The following PLXND1 variants were observed in gnomAD, a reference collection of about 807,000 sequenced individuals.
PLXND1 encodes the protein plexin D1, also known as plexin-D1.
A neutral mutation model predicts 197.7 loss-of-function variants in PLXND1; 54 were observed. The ratio of observed to expected loss-of-function variants is 0.27; its 90% CI spans 0.22 to 0.34. The LOEUF (loss-of-function observed/expected upper bound fraction) is 0.34. PLXND1 is among the 10% of genes least tolerant of loss of function. PLXND1 has a pLI of 1.00. For missense variants in PLXND1, 2,127 were observed against 2,699.2 expected (o/e 0.79, Z 4.70); for synonymous variants, 1,180 against 1,161.2 (o/e 1.02, Z -0.33).
rs1434271566 is a variant in PLXND1, at chr3:129,556,346, T to G, written c.5744A>C (p.Glu1915Ala). 6.2e-7 allele frequency: 1 copy of G among 1,613,928 alleles called. No individual in the cohort carries two copies. Among genetic ancestry groups the G allele is most frequent in the Non-Finnish European group, 8.5e-7 (1 of 1,179,784 alleles). Residue 1915 changes from glutamate (E) to alanine (A), a missense_variant, in exon 36 of 36, where the codon GAG becomes GCG. Coordinates refer to ENST00000324093, the MANE Select transcript of PLXND1 (RefSeq NM_015103.3). ...ACTGTAGCACTCGTAGATGTTGTCC[T>G]CCATCAAAGCCACCACCTGCTCAAA... ...HKFEQVVALM[E>A]DNIYECYSEA is the part of the protein sequence containing the mutation.
chr3:129,563,350 T>G, intron 25 of PLXND1, 110 bp from the exon 26 acceptor site: 2 of 875,860 alleles, frequency 2.3e-6, no homozygotes, highest in Non-Finnish European at 3.4e-6. Context: ...ACAGTCTCCT[T>G]TTGGATCCTG....
chr3:129,575,685 G>A, intron 10 of PLXND1, 81 bp downstream of exon 10: 2 of 1,236,814 alleles, frequency 1.6e-6, no homozygotes, highest in Non-Finnish European at 2.3e-6. Flanking sequence ...AAGGTAGAGA[G>A]AGGCAGGGTG....
At chr3:129,564,273 G>A (rs1465067476) in intron 25 of PLXND1, among the ~76,000 whole-genome samples, 1 of 152,270 alleles carries the variant, frequency 6.6e-6, no homozygotes, top group Admixed American at 6.5e-5. Flanking sequence ...CCATTTGACA[G>A]AAGGAAACCA....
In PLXND1 at chr3:129,555,490, G is replaced by A. The variant is rs1213205522; in HGVS notation, c.*822C>T. ...CGGGACCCCTCCCCGGGTCCTCTGC[G>A]CAAGCGGCAGCTATTCACAGTTGGT... On this transcript the variant is annotated 3_prime_UTR_variant, in exon 36 of 36. Coordinates refer to ENST00000324093, the MANE Select transcript of PLXND1 (RefSeq NM_015103.3). 4.4e-5 allele frequency: 30 copies of A among 679,080 alleles called. No individual in the cohort carries two copies. Among genetic ancestry groups the A allele is most frequent in the East Asian group, 1.9e-4 (7 of 36,024 alleles). 42.1% of individuals were successfully genotyped at this position (679,080 alleles called of 1,614,324 possible). A position where few individuals can be genotyped will look rare whatever the true frequency, so the allele number is the denominator to read the frequency against.
chr3:129,592,721 AT>A (rs2085563262), intron 1 of PLXND1, among the ~76,000 whole-genome samples: 3 of 152,210 alleles, frequency 2.0e-5, no homozygotes, highest in Non-Finnish European at 4.4e-5. Context: ...CTAAAATAAA[AT>A]TTTAAAAAAT....
Position 129,606,423 on chromosome 3 carries a change from G to A in PLXND1, c.217C>T (p.Leu73=). ...ALDGAAGTVY[L]AAVNRLYQLS... ...TGATAGAGGCGGTTGACGGCCGCCAGGTACACGGTCCCCGCCGCGCCGTCC... is the reference window on the plus strand; with the variant it reads ...TGATAGAGGCGGTTGACGGCCGCCAAGTACACGGTCCCCGCCGCGCCGTCC... Residue 73 remains leucine, a synonymous_variant, in exon 1 of 36, where the codon CTG becomes TTG. Transcript: ENST00000324093. 1.4e-6 allele frequency: 2 copies of A among 1,480,022 alleles called. No individual in the cohort carries two copies. The highest frequency in any genetic ancestry group is 1.3e-5 in the South Asian group (1 of 75,192). 91.7% of individuals were successfully genotyped at this position (1,480,022 alleles called of 1,614,324 possible).
chr3:129,561,909 G>A lies in PLXND1; in HGVS notation c.4826-6C>T. ...TGTGCTGGAGGCGAACCACTCTGGGGGACAAGGGACAGGCCATCAGGGTCC... is the reference window on the plus strand; with the variant it reads ...TGTGCTGGAGGCGAACCACTCTGGGAGACAAGGGACAGGCCATCAGGGTCC... On this transcript the variant is annotated splice_polypyrimidine_tract_variant and splice_region_variant and intron_variant, in intron 27 of 35. Transcript: ENST00000324093. 6.2e-7 allele frequency: 1 copy of A among 1,604,922 alleles called. No individual in the cohort carries two copies.
chr3:129,561,525 A>C, intron 29 of PLXND1, 121 bp downstream of exon 29: 5 of 711,348 alleles, frequency 7.0e-6, no homozygotes, highest in Non-Finnish European at 1.2e-5. Context: ...AGCCCCCACC[A>C]AGGAGGCCTC....
Position 129,558,578 on chromosome 3 carries a change from G to C in PLXND1, c.5298-3C>G. ...TCACCCAGAACCGGAGAGGAAGGCT[G>C]TGGGGTAGGGTGACAAAGACAGTGA... On this transcript the variant is annotated splice_polypyrimidine_tract_variant and splice_region_variant and intron_variant, in intron 32 of 35. Transcript: ENST00000324093. The surrounding 1 kb of genome is among the most constrained non-coding windows in gnomAD (Gnocchi z 4.1). 6.2e-7 allele frequency: 1 copy of C among 1,613,628 alleles called. No homozygotes were observed. The highest frequency in any genetic ancestry group is 1.7e-5 in the Admixed American group (1 of 60,006).
At chr3:129,586,511 CAGCGTGTGTAA>C (rs1350951018) in intron 3 of PLXND1, 66 bp downstream of exon 3, 3 of 1,503,814 alleles carry the variant, frequency 2.0e-6, no homozygotes, top group East Asian at 4.9e-5. Context: ...AGCAGAGGAA[CAGCGTGTGTAA>C]AGGCCAGGCA....
Position 129,558,809 on chromosome 3 carries a change from C to G in PLXND1, c.5298-234G>C. 2.1e-6 allele frequency: 1 copy of G among 474,532 alleles called. No individual in the cohort carries two copies. Among genetic ancestry groups the G allele is most frequent in the South Asian group, 2.7e-5 (1 of 37,238 alleles). The allele number at this position is 474,532 out of a possible 1,614,324, so 29.4% of individuals were successfully genotyped here. On this transcript the variant is annotated intron_variant, in intron 32 of 35. Transcript: ENST00000324093. The surrounding 1 kb of genome is among the most constrained non-coding windows in gnomAD (Gnocchi z 4.1). ...GCAGGAGCTACAGGGCTTAGCTGTA[C>G]CCCCCAACCCCCTCCTGAGCCTCCA...
intron 15 of PLXND1, 91 bp from the exon 16 acceptor site, chr3:129,571,935 C>G: frequency 7.7e-7 from 1 of 1,292,472 alleles, no homozygotes; most frequent in Middle Eastern, 2.5e-4. Flanking sequence ...AGTCCACGCA[C>G]TTGGCCTGGG....
intron 1 of PLXND1, 54 bp from the exon 2 acceptor site, chr3:129,589,581 C>A: frequency 7.0e-7 from 1 of 1,425,230 alleles, no homozygotes; most frequent in Non-Finnish European, 9.4e-7. Context: ...TCCGGCTCCC[C>A]GCCCGCACAG....
intron 13 of PLXND1, 35 bp downstream of exon 13, chr3:129,573,558 CT>C: frequency 6.3e-7 from 1 of 1,595,174 alleles, no homozygotes; most frequent in Non-Finnish European, 8.6e-7. Flanking sequence ...GCTGGCACTG[CT>C]GGAGAAGGTA....
At chr3:129,563,275 C>T (rs774612208) in intron 25 of PLXND1, 35 bp from the exon 26 acceptor site, 143 of 1,560,668 alleles carry the variant, frequency 9.2e-5, no homozygotes, top group Middle Eastern at 5.1e-4. Context: ...CCAAGGCCCC[C>T]TCTGTATTCC....
In PLXND1 at chr3:129,606,229, T is replaced by A; in HGVS notation, c.411A>T (p.Val137=). 1 of 1,577,848 alleles carries A rather than the reference T, an allele frequency of 6.3e-7. No homozygotes were observed. The highest frequency in any genetic ancestry group is 8.6e-7 in the Non-Finnish European group (1 of 1,166,580). ...ILQLDPGQGL[V]VVCGSIYQGF... is the part of the protein sequence containing the mutation. ...CCTGGTAGATGGACCCGCACACGACTACCAGGCCCTGGCCGGGGTCCAGCT... is the reference window on the plus strand; with the variant it reads ...CCTGGTAGATGGACCCGCACACGACAACCAGGCCCTGGCCGGGGTCCAGCT... The change falls in exon 1 of 36, where the codon GTA becomes GTT. Residue 137 remains valine (V), a synonymous_variant. Transcript: ENST00000324093.
intron 1 of PLXND1, among the ~76,000 whole-genome samples, chr3:129,597,052 G>A (rs766732537): frequency 6.6e-6 from 1 of 152,240 alleles, no homozygotes; most frequent in Non-Finnish European, 1.5e-5. Context: ...AGTCTGCTTT[G>A]TGCTGAGACC....
chr3:129,586,455 A>G, intron 3 of PLXND1, 133 bp downstream of exon 3: 1 of 1,182,588 alleles, frequency 8.5e-7, no homozygotes, highest in Non-Finnish European at 1.2e-6. Flanking sequence ...GGCGCAGGAC[A>G]AGGTGGAGTT....
chr3:129,562,562 G>A, intron 27 of PLXND1: 1 of 456,462 alleles, frequency 2.2e-6, no homozygotes, highest in Non-Finnish European at 3.9e-6. Flanking sequence ...TTAGGAATTA[G>A]GAAGCCTTTC....
Sources: gnomAD v4.1 joint callset for allele counts (sites outside exome capture counted in the v4.1 genomes callset) on GRCh38, gnomAD v4.1.1 for gene constraint, Gnocchi (gnomAD v3.1) non-coding constraint, MANE v1.5 for transcripts, NCBI Gene and HGNC (gene_info 2026-07-23, HGNC 2026-07-21) for gene names.